PHACTR3: variants seen among roughly 807,000 people sequenced by gnomAD.
PHACTR3 encodes the protein phosphatase and actin regulator 3, also known as protein phosphatase 1, regulatory subunit 123.
PHACTR3 carries 16 observed loss-of-function variants against 66.8 expected under a neutral mutation model. The ratio of observed to expected loss-of-function variants is 0.24; its 90% CI spans 0.16 to 0.36. The LOEUF is 0.36. PHACTR3 is among the 10% of genes least tolerant of loss of function. The pLI, the probability that PHACTR3 is intolerant of heterozygous loss-of-function variation, is 1.00. For missense variants in PHACTR3, 647 were observed against 719.9 expected (o/e 0.90, Z 1.16); for synonymous variants, 323 against 292.1 (o/e 1.11, Z -1.08).
intron 1 of PHACTR3, chr20:59,626,980 T>C (rs2034472825): frequency 1.3e-5 from 2 of 152,210 alleles, no homozygotes; most frequent in Admixed American, 1.3e-4. Flanking sequence ...ACCATGGCAA[T>C]TGGCAAATGT....
At chr20:59,670,606 G>T (rs6015544) in intron 1 of PHACTR3, among the ~76,000 whole-genome samples, 1,710 of 70,220 alleles carry the variant, frequency 0.024, 69 homozygotes, top group African/African-American at 0.094. Flanking sequence ...TGCCGGGGGT[G>T]GGGGGGGGGG....
intron 1 of PHACTR3, among the ~76,000 whole-genome samples, chr20:59,698,593 A>G (rs776892988): frequency 2.3e-4 from 35 of 152,346 alleles, no homozygotes; most frequent in Admixed American, 5.9e-4. Context: ...ACTCAAAGAA[A>G]TTGGAGAAAT....
At chr20:59,641,449 G>A (rs751533188) in intron 1 of PHACTR3, among the ~76,000 whole-genome samples, 15 of 152,238 alleles carry the variant, frequency 9.9e-5, no homozygotes, top group African/African-American at 2.7e-4. Context: ...GTAAATTTCA[G>A]TCTGAGTCTG....
intron 1 of PHACTR3, among the ~76,000 whole-genome samples, chr20:59,712,734 A>G (rs1213649727): frequency 6.6e-6 from 1 of 152,188 alleles, no homozygotes; most frequent in Non-Finnish European, 1.5e-5. Flanking sequence ...AAAACCTACA[A>G]TCAGGTGTAT....
chr20:59,579,063 A>G (rs1004094752), intron 1 of PHACTR3, among the ~76,000 whole-genome samples: 10 of 152,154 alleles, frequency 6.6e-5, no homozygotes, highest in Non-Finnish European at 8.8e-5. Context: ...CCCTCCCCTA[A>G]AGCACCCCTG....
chr20:59,768,121 A>G (rs2040243983), intron 5 of PHACTR3, among the ~76,000 whole-genome samples: 1 of 152,246 alleles, frequency 6.6e-6, no homozygotes, highest in African/African-American at 2.4e-5. Context: ...ACACTTATGT[A>G]GCTTTTGTCA....
intron 8 of PHACTR3, among the ~76,000 whole-genome samples, chr20:59,833,386 G>A (rs1474534587): frequency 1.3e-5 from 2 of 152,224 alleles, no homozygotes; most frequent in African/African-American, 4.8e-5. Context: ...TGGGAACATG[G>A]TCCGCGATCA....
At position 59,831,433 on chromosome 20, in the gene PHACTR3, C is replaced by T. The variant is rs147615604; in HGVS notation, c.1329-5072C>T. On this transcript the variant is annotated intron_variant, in intron 8 of 12. Transcript: ENST00000371015. ...CTTTTCTTAGTGTTGCTCCCACACC[C>T]ACGCGATGCTTTAATTAACTGCCAC... Among the ~76,000 whole-genome samples, 763 of 152,268 alleles carry T rather than the reference C, an allele frequency of 5.0e-3. 1 individual carries two copies. The highest frequency in any genetic ancestry group is 8.2e-3 in the Non-Finnish European group (560 of 68,008).
At position 59,755,278 on chromosome 20, in the gene PHACTR3, C is replaced by T; in HGVS notation, c.455C>T (p.Ala152Val). The change falls in exon 4 of 13, where the codon GCC (alanine) becomes GTC (valine). Residue 152 changes from alanine (A) to valine (V), a missense_variant. Transcript: ENST00000371015. ...PKSETLTSEDAQPGSPLATGT... is the reference protein window; with the variant it reads ...PKSETLTSEDVQPGSPLATGT... The stretch of plus-strand genomic sequence containing the variant: ...TCGGAGACGCTGACTTCAGAAGATG[C>T]CCAGCCCGGAAGCCCCTTGGCCACT... The T allele has an allele frequency of 6.2e-7, 1 of 1,613,676 alleles. No homozygotes were observed. The highest frequency in any genetic ancestry group is 8.5e-7 in the Non-Finnish European group (1 of 1,180,012).
chr20:59,640,462 A>T (rs896476479), intron 1 of PHACTR3, among the ~76,000 whole-genome samples: 7 of 152,172 alleles, frequency 4.6e-5, no homozygotes, highest in African/African-American at 1.7e-4. Flanking sequence ...CTTGGTGAGA[A>T]ATAGTAGCTC....
chr20:59,621,269 G>C (rs549156948), intron 1 of PHACTR3, among the ~76,000 whole-genome samples: 1 of 152,238 alleles, frequency 6.6e-6, no homozygotes, highest in Admixed American at 6.5e-5. Context: ...GAGCACCCCA[G>C]TGCACATAGA....
intron 7 of PHACTR3, among the ~76,000 whole-genome samples, chr20:59,774,899 C>T (rs2040477850): frequency 6.6e-6 from 1 of 151,588 alleles, no homozygotes; most frequent in Admixed American, 6.6e-5. Flanking sequence ...CAAAAAAAAA[C>T]TGTAACAAGT....
intron 4 of PHACTR3, among the ~76,000 whole-genome samples, chr20:59,766,191 G>A (rs75639228): frequency 0.022 from 3,400 of 152,294 alleles, 57 homozygotes; most frequent in Non-Finnish European, 0.035. Flanking sequence ...CTGGAGGTGG[G>A]GAAGGGACAG....
chr20:59,772,373 A>G (rs2040389093), intron 5 of PHACTR3, among the ~76,000 whole-genome samples: 1 of 152,188 alleles, frequency 6.6e-6, no homozygotes, highest in Non-Finnish European at 1.5e-5. Flanking sequence ...AACTGTAGGA[A>G]GGAAGGTGGA....
At position 59,642,990 on chromosome 20, in the gene PHACTR3, C is replaced by T. The variant is rs541880586; in HGVS notation, c.118+37858C>T. Among the ~76,000 whole-genome samples, 10 of 152,312 alleles carry T rather than the reference C, an allele frequency of 6.6e-5. No homozygotes were observed. The East Asian group carries it at 1.9e-3, about 29-fold the overall frequency. On this transcript the variant is annotated intron_variant, in intron 1 of 12. Coordinates refer to ENST00000371015, the MANE Select transcript of PHACTR3 (RefSeq NM_080672.5). The stretch of plus-strand genomic sequence containing the variant: ...GCAGTGGCACGATCTTGGCTCACTG[C>T]AAGCACCACCTCCCAGGTTCACACC...
rs527465955 is a variant in PHACTR3, at chr20:59,729,301, G to C, written c.119-13806G>C. ...GTCCTGAGTGACCATTCACTTGGCT[G>C]TCCCCGCTCCCAGGCCTCAGGACTG... On this transcript the variant is annotated intron_variant, in intron 1 of 12. Coordinates refer to ENST00000371015, the MANE Select transcript of PHACTR3 (RefSeq NM_080672.5). 5.9e-5 allele frequency among the ~76,000 whole-genome samples: 9 copies of C among 152,144 alleles called. No homozygotes were observed. The East Asian group carries it at 1.5e-3, about 26-fold the overall frequency.
At chr20:59,791,174 G>A (rs2041082372) in intron 7 of PHACTR3, among the ~76,000 whole-genome samples, 1 of 152,108 alleles carries the variant, frequency 6.6e-6, no homozygotes, top group Non-Finnish European at 1.5e-5. Context: ...GGCCATGAGA[G>A]CTCCGCCATC....
chr20:59,594,552 G>C (rs527653088), intron 1 of PHACTR3, among the ~76,000 whole-genome samples: 37 of 152,204 alleles, frequency 2.4e-4, no homozygotes, highest in African/African-American at 8.2e-4. Context: ...ATTTCATCTA[G>C]GTCATCAAAT....
chr20:59,822,059 C>CAATCCCACCCCTTCCCCA (rs2145424192), intron 8 of PHACTR3, among the ~76,000 whole-genome samples: 1 of 98,398 alleles, frequency 1.0e-5, no homozygotes, highest in East Asian at 3.3e-4. Context: ...CCTTCCCCAG[C>CAATCCCACCCCTTCCCCA]GATCCGCCCC....
Sources: gnomAD v4.1 joint callset for allele counts (sites outside exome capture counted in the v4.1 genomes callset) on GRCh38, gnomAD v4.1.1 for gene constraint, MANE v1.5 for transcripts, NCBI Gene and HGNC (gene_info 2026-07-23, HGNC 2026-07-21) for gene names.